Variants in GREB1L observed in about 807,000 individuals in gnomAD.
The protein encoded by GREB1L is GREB1 like retinoic acid receptor coactivator.
A neutral mutation model predicts 200.8 loss-of-function variants in GREB1L; 17 were observed. The ratio of observed to expected loss-of-function variants is 0.08; its 90% CI spans 0.06 to 0.13. The LOEUF (loss-of-function observed/expected upper bound fraction) is 0.13. GREB1L is among the 10% of genes least tolerant of loss of function. The pLI is 1.00. For synonymous variants in GREB1L, 789 were observed against 893.0 expected (o/e 0.88, Z 2.08); for missense variants, 1,657 against 2,367.7 (o/e 0.70, Z 6.23).
chr18:21,473,444 C>T (rs2035560359), intron 16 of GREB1L, among the ~76,000 whole-genome samples: 1 of 152,040 alleles, frequency 6.6e-6, no homozygotes, highest in African/African-American at 2.4e-5. Context: ...GTAGTGCATG[C>T]CTGTAATCCC....
At chr18:21,326,040 T>A (rs886418570) in intron 1 of GREB1L, among the ~76,000 whole-genome samples, 1 of 151,960 alleles carries the variant, frequency 6.6e-6, no homozygotes, top group Non-Finnish European at 1.5e-5. Flanking sequence ...ATTAGGAAAG[T>A]CTAAATAAAA....
chr18:21,389,959 A>C (rs997410706), intron 4 of GREB1L, among the ~76,000 whole-genome samples: 1 of 152,234 alleles, frequency 6.6e-6, no homozygotes, highest in African/African-American at 2.4e-5. Flanking sequence ...AGAGCTCTCC[A>C]TCAGACTAGA....
At chr18:21,478,555 C>T (rs1385562313) in intron 17 of GREB1L, among the ~76,000 whole-genome samples, 1 of 152,204 alleles carries the variant, frequency 6.6e-6, no homozygotes, top group South Asian at 2.1e-4. Flanking sequence ...TCTGACTTGG[C>T]GCTCTTGTCT....
rs531121919 is a variant in GREB1L at position 21,522,902 on chromosome 18, A to G, written c.*81A>G. On this transcript the variant is annotated 3_prime_UTR_variant, in exon 33 of 33. Transcript: ENST00000424526. ...AATTTGGGATTTTTCTTTTTCCTTTAAAGTACAATCACTGTGGAGCAAAGT... is the reference window on the plus strand; with the variant it reads ...AATTTGGGATTTTTCTTTTTCCTTTGAAGTACAATCACTGTGGAGCAAAGT... 9.2e-6 allele frequency: 12 copies of G among 1,300,474 alleles called. No individual in the cohort carries two copies. In the South Asian group the frequency reaches 1.7e-4, roughly 19 times the overall value. 80.6% of individuals were successfully genotyped at this position (1,300,474 alleles called of 1,614,324 possible).
chr18:21,459,279 C>CTTTTTTTTTT (rs746568414), intron 15 of GREB1L, among the ~76,000 whole-genome samples: 15 of 85,932 alleles, frequency 1.7e-4, no homozygotes, highest in East Asian at 7.7e-4. Flanking sequence ...TTTTTCTTTA[C>CTTTTTTTTTT]TTTTTTTTTT....
chr18:21,399,395 A>G (rs1166664967), intron 5 of GREB1L, among the ~76,000 whole-genome samples: 1 of 152,022 alleles, frequency 6.6e-6, no homozygotes, highest in Non-Finnish European at 1.5e-5. Flanking sequence ...AGTGTCTAGC[A>G]CATAATAGAG....
Position 21,258,722 on chromosome 18 carries a change from T to G in GREB1L, c.-120+16329T>G, listed in dbSNP as rs184747359. Among the ~76,000 whole-genome samples the G allele has an allele frequency of 1.4e-3, 208 of 152,334 alleles. 2 individuals are homozygous for G. Among genetic ancestry groups the G allele is most frequent in the Admixed American group, 4.8e-3 (74 of 15,300 alleles). ...TGAAGGGAGATACATTTCATTTCCCTTTTGTTTTTGAATTACACAAAATGA... is the reference window on the plus strand; with the variant it reads ...TGAAGGGAGATACATTTCATTTCCCGTTTGTTTTTGAATTACACAAAATGA... On this transcript the variant is annotated intron_variant, in intron 1 of 32. Coordinates refer to ENST00000424526, the MANE Select transcript of GREB1L (RefSeq NM_001142966.3).
At chr18:21,407,764 C>A (rs915269423) in intron 7 of GREB1L, among the ~76,000 whole-genome samples, 1 of 152,124 alleles carries the variant, frequency 6.6e-6, no homozygotes, top group Non-Finnish European at 1.5e-5. Flanking sequence ...TATATATACA[C>A]AATGGAATTC....
intron 17 of GREB1L, among the ~76,000 whole-genome samples, chr18:21,483,191 C>T (rs1050272997): frequency 4.6e-5 from 7 of 152,198 alleles, no homozygotes; most frequent in Non-Finnish European, 8.8e-5. Context: ...GCGGATGCAT[C>T]GTATCCAGCA....
At chr18:21,334,646 C>T (rs1205529128) in intron 1 of GREB1L, among the ~76,000 whole-genome samples, 2 of 152,050 alleles carry the variant, frequency 1.3e-5, no homozygotes, top group African/African-American at 2.4e-5. Context: ...TAGTGGCACA[C>T]GCCTGTACTC....
At chr18:21,437,537 A>G (rs755776823) in intron 7 of GREB1L, among the ~76,000 whole-genome samples, 1 of 152,142 alleles carries the variant, frequency 6.6e-6, no homozygotes, top group African/African-American at 2.4e-5. Flanking sequence ...TCCTGATGGA[A>G]GTACTGTATA....
Position 21,384,303 on chromosome 18 carries a change from A to T in GREB1L, c.255A>T (p.Glu85Asp). The change falls in exon 4 of 33, where the codon GAA (glutamate) becomes GAT (aspartate). Residue 85 changes from glutamate to aspartate, a missense_variant. Physicochemically the swap from Glu to Asp is conservative, Grantham distance 45. This residue lies in a region of GREB1L where 121 missense variants were observed against 126.6 expected (regional missense o/e 0.96). Coordinates refer to ENST00000424526, the MANE Select transcript of GREB1L (RefSeq NM_001142966.3). Reference protein sequence around the residue: ...LDFSNNLTVNEMEDDEDDEEM... With the variant: ...LDFSNNLTVNDMEDDEDDEEM... ...TTTCTAACAATCTAACAGTTAATGA[A>T]ATGGAAGATGATGAAGACGATGAAG... is the stretch of plus-strand genomic sequence containing the variant. 2 of 1,551,338 alleles carry T rather than the reference A, an allele frequency of 1.3e-6. No homozygotes were observed. Among genetic ancestry groups the T allele is most frequent in the Non-Finnish European group, 8.7e-7 (1 of 1,146,522 alleles).
At chr18:21,318,186 A>G (rs1184268031) in intron 1 of GREB1L, among the ~76,000 whole-genome samples, 1 of 152,096 alleles carries the variant, frequency 6.6e-6, no homozygotes. Flanking sequence ...TAAGAGTTCA[A>G]TGAGATGCTG....
Position 21,403,835 on chromosome 18 carries a change from G to C in GREB1L, c.710-37G>C, listed in dbSNP as rs189124223. 1.2e-5 allele frequency: 19 copies of C among 1,532,990 alleles called. No individual in the cohort carries two copies. The African/African-American group carries it at 2.3e-4, about 19-fold the overall frequency. 95.0% of individuals were successfully genotyped at this position (1,532,990 alleles called of 1,614,324 possible). On this transcript the variant is annotated intron_variant, in intron 6 of 32. Transcript: ENST00000424526. ...CCATCACCTGTTTTAACAGAACATT[G>C]GTCACTTCATACAATGTGATTTTTA...
rs1368899362 is a variant in GREB1L at position 21,524,732 on chromosome 18, A to G, written c.*1911A>G. On this transcript the variant is annotated 3_prime_UTR_variant, in exon 33 of 33. Transcript: ENST00000424526. The stretch of plus-strand genomic sequence containing the variant: ...AAGAACTTTTTTTTTAAGTAGTTAC[A>G]TCAGATGCAGGTACTCCATTAGTTA... The G allele has an allele frequency of 1.3e-5, 2 of 152,080 alleles. No individual in the cohort carries two copies. Among genetic ancestry groups the G allele is most frequent in the East Asian group, 3.8e-4 (2 of 5,196 alleles). 9.4% of individuals were successfully genotyped at this position (152,080 alleles called of 1,614,324 possible). A position where few individuals can be genotyped will look rare whatever the true frequency, so the allele number is the denominator to read the frequency against.
At chr18:21,440,545 A>G (rs2033840479) in intron 9 of GREB1L, among the ~76,000 whole-genome samples, 157 bp downstream of exon 9, 1 of 152,216 alleles carries the variant, frequency 6.6e-6, no homozygotes, top group African/African-American at 2.4e-5. Flanking sequence ...CCCTACATGC[A>G]CAAGATCATT....
chr18:21,291,005 T>C (rs2038441197), intron 1 of GREB1L, among the ~76,000 whole-genome samples: 1 of 152,128 alleles, frequency 6.6e-6, no homozygotes, highest in Non-Finnish European at 1.5e-5. Context: ...AGGATATTTG[T>C]CCAGCCAAGC....
At chr18:21,300,355 C>T (rs190664474) in intron 1 of GREB1L, among the ~76,000 whole-genome samples, 33 of 152,284 alleles carry the variant, frequency 2.2e-4, no homozygotes, top group African/African-American at 7.7e-4. Flanking sequence ...AGGAGTTTCA[C>T]TGTGGTGTAA....
At chr18:21,402,855 A>G (rs2041375273) in intron 6 of GREB1L, among the ~76,000 whole-genome samples, 1 of 151,994 alleles carries the variant, frequency 6.6e-6, no homozygotes, top group Non-Finnish European at 1.5e-5. Flanking sequence ...CATTTGTGAA[A>G]GAAGCCTCAC....
Sources: gnomAD v4.1 joint callset for allele counts (sites outside exome capture counted in the v4.1 genomes callset) on GRCh38, gnomAD v4.1.1 for gene constraint, gnomAD v4.1.1 regional missense constraint, MANE v1.5 for transcripts, NCBI Gene and HGNC (gene_info 2026-07-23, HGNC 2026-07-21) for gene names.